CPNE7: variants seen among roughly 807,000 people sequenced by gnomAD.
The protein encoded by CPNE7 is copine-7.
A neutral mutation model predicts 66.5 loss-of-function variants in CPNE7; 78 were observed. The ratio of observed to expected loss-of-function variants is 1.17; its 90% CI spans 0.98 to 1.42. The LOEUF (loss-of-function observed/expected upper bound fraction) is 1.42, where lower values mean the gene tolerates loss of function less well. Ranked by LOEUF, CPNE7 falls within the 40% of genes most tolerant of loss-of-function variation. The pLI, the probability that CPNE7 is intolerant of heterozygous loss-of-function variation, is 0.00. For missense variants in CPNE7, 1,012 were observed against 776.6 expected (o/e 1.30, Z -3.60); for synonymous variants, 468 against 336.7 (o/e 1.39, Z -4.27).
intron 2 of CPNE7, 24 bp from the exon 3 acceptor site, chr16:89,583,673 C>A: frequency 6.2e-7 from 1 of 1,612,596 alleles, no homozygotes; most frequent in South Asian, 1.1e-5. Context: ...CTGCCCCTCC[C>A]TGCCTGACGC....
At chr16:89,578,914 C>T (rs765246853) in intron 2 of CPNE7, 20 of 1,613,760 alleles carry the variant, frequency 1.2e-5, no homozygotes, top group Non-Finnish European at 1.7e-5. Context: ...TGTGCTGGGC[C>T]CTGCTGGACA....
In CPNE7 at chr16:89,584,080, G is replaced by C. The variant is rs567272288; in HGVS notation, c.485G>C (p.Arg162Pro). ...GNNGYVELSF[R>P]ARKLDDKDLF... ...AACGGCTACGTGGAGCTCTCCTTCC[G>C]GGCCAGGAAGCTGGACGACAAGGTG... Residue 162 changes from arginine (R) to proline (P), a missense_variant, in exon 4 of 15, where the codon CGG becomes CCG. Coordinates refer to ENST00000319518, the MANE Select transcript of CPNE7 (RefSeq NM_153636.3). The surrounding 1 kb of genome is among the most constrained non-coding windows in gnomAD (Gnocchi z 6.0). The C allele has an allele frequency of 1.2e-6, 2 of 1,611,760 alleles. No individual in the cohort carries two copies. Among genetic ancestry groups the C allele is most frequent in the Non-Finnish European group, 1.7e-6 (2 of 1,179,422 alleles).
intron 3 of CPNE7, 112 bp downstream of exon 3, chr16:89,583,883 C>A: frequency 6.9e-7 from 1 of 1,446,008 alleles, no homozygotes; most frequent in Non-Finnish European, 9.5e-7. Flanking sequence ...TCTGCAGGAG[C>A]CGGCAGCTAC....
rs189619199 is a variant in CPNE7 at position 89,596,082 on chromosome 16, C to G, written c.1540-402C>G. ...TGCCACATAGATGTGAAGTTCTACA[C>G]AGCAAGACACCACAGACATGCATGA... is the stretch of plus-strand genomic sequence containing the variant. On this transcript the variant is annotated intron_variant, in intron 14 of 14. Coordinates refer to ENST00000319518, the MANE Select transcript of CPNE7 (RefSeq NM_153636.3). Among the ~76,000 whole-genome samples, 600 of 152,380 alleles carry G rather than the reference C, an allele frequency of 3.9e-3. 16 individuals are homozygous for G. Among genetic ancestry groups the G allele is most frequent in the Admixed American group, 0.027 (421 of 15,310 alleles).
In CPNE7 at chr16:89,580,080, C is replaced by G. The variant is rs1297480299; in HGVS notation, c.357+2359C>G. On this transcript the variant is annotated intron_variant, in intron 2 of 14. Transcript: ENST00000319518. ...GTCACACGGAACATCCCATCACCTG[C>G]AGACACGGAACATCTCACCCATCAC... Among the ~76,000 whole-genome samples the G allele has an allele frequency of 5.3e-5, 3 of 56,954 alleles. No homozygotes were observed. The East Asian group carries it at 1.1e-3, about 20-fold the overall frequency. 37.4% of individuals were successfully genotyped at this position (56,954 alleles called of 152,430 possible).
chr16:89,591,198 G>GC lies in CPNE7; in HGVS notation c.1241dup (p.Pro415AlafsTer82). On this transcript the variant is annotated frameshift_variant, in exon 13 of 15. Coordinates refer to ENST00000319518, the MANE Select transcript of CPNE7 (RefSeq NM_153636.3). LOFTEE classifies it high-confidence loss of function. ...CCAGCTCTACGGCCCCACCAACGTG[G>GC]CGCCCATCATCTCCAAGGTGGCACG... 1 of 1,598,168 alleles carries GC rather than the reference G, an allele frequency of 6.3e-7. No homozygotes were observed. Among genetic ancestry groups the GC allele is most frequent in the Non-Finnish European group, 8.5e-7 (1 of 1,172,604 alleles).
intron 13 of CPNE7, among the ~76,000 whole-genome samples, chr16:89,595,019 G>A (rs1021413961): frequency 6.6e-6 from 1 of 152,086 alleles, no homozygotes; most frequent in Non-Finnish European, 1.5e-5. Flanking sequence ...TGGGCTGCAG[G>A]TCTGGCTCCT....
At chr16:89,586,838 A>T in intron 8 of CPNE7, 82 bp downstream of exon 8, 1 of 1,336,268 alleles carries the variant, frequency 7.5e-7, no homozygotes, top group Non-Finnish European at 1.1e-6. Context: ...ATGGACCCTC[A>T]ACCAGAGGCC....
At position 89,578,930 on chromosome 16, in the gene CPNE7, C is replaced by G; in HGVS notation, c.357+1209C>G. The stretch of plus-strand genomic sequence containing the variant: ...GTGCTGGGCCCTGCTGGACACTGCG[C>G]TAAGCACTTCCTGTGCTGCACGGAA... On this transcript the variant is annotated intron_variant, in intron 2 of 14. Transcript: ENST00000319518. 6 of 1,613,772 alleles carry G rather than the reference C, an allele frequency of 3.7e-6. No homozygotes were observed. The highest frequency in any genetic ancestry group is 5.1e-6 in the Non-Finnish European group (6 of 1,179,822).
At chr16:89,577,425 G>T in intron 1 of CPNE7, 114 bp from the exon 2 acceptor site, 3 of 1,080,054 alleles carry the variant, frequency 2.8e-6, no homozygotes, top group Non-Finnish European at 4.0e-6. Flanking sequence ...GTCTTCCCAG[G>T]GTATGAGTCC....
At chr16:89,578,095 C>T (rs1386279773) in intron 2 of CPNE7, among the ~76,000 whole-genome samples, 4 of 141,056 alleles carry the variant, frequency 2.8e-5, no homozygotes, top group Non-Finnish European at 6.0e-5. Flanking sequence ...GATGTAGTCT[C>T]GCTCTGTCAC....
rs960751299 is a variant in CPNE7 at position 89,587,640 on chromosome 16, A to C, written c.927+538A>C. The C allele has an allele frequency of 2.9e-4, 129 of 448,088 alleles. 1 individual carries two copies. Among genetic ancestry groups the C allele is most frequent in the African/African-American group, 2.0e-3 (98 of 49,764 alleles). 27.8% of individuals were successfully genotyped at this position (448,088 alleles called of 1,614,324 possible). On this transcript the variant is annotated intron_variant, in intron 9 of 14. Transcript: ENST00000319518. ...ACGTGTCATCCAAGGAGCCCGGCAC[A>C]GACCCCGTGTCACCCCCATGTCACC...
intron 1 of CPNE7, among the ~76,000 whole-genome samples, chr16:89,576,793 C>T (rs924037795): frequency 2.0e-5 from 3 of 152,180 alleles, no homozygotes; most frequent in African/African-American, 4.8e-5. Flanking sequence ...GGCGGCTGCT[C>T]GGGCGGTGGA....
In CPNE7 at chr16:89,591,051, G is replaced by T; in HGVS notation, c.1161G>T (p.Glu387Asp). ...FAINFNPEDD[E>D]CEGIQGVVEA... is the part of the protein sequence containing the mutation. ...TCAATTTCAACCCTGAGGACGATGAGTGTGAAGGTAGGAGCTCGAGGCAGG... is the reference window on the plus strand; with the variant it reads ...TCAATTTCAACCCTGAGGACGATGATTGTGAAGGTAGGAGCTCGAGGCAGG... Residue 387 changes from glutamate to aspartate, a missense_variant, in exon 12 of 15, where the codon GAG becomes GAT. Coordinates refer to ENST00000319518, the MANE Select transcript of CPNE7 (RefSeq NM_153636.3). 1 of 1,613,774 alleles carries T rather than the reference G, an allele frequency of 6.2e-7. No individual in the cohort carries two copies. The highest frequency in any genetic ancestry group is 1.3e-5 in the African/African-American group (1 of 74,998).
At chr16:89,588,179 C>T (rs1181153741) in intron 9 of CPNE7, among the ~76,000 whole-genome samples, 18 of 130,858 alleles carry the variant, frequency 1.4e-4, no homozygotes, top group Non-Finnish European at 2.4e-4. Flanking sequence ...GCGTGTCACC[C>T]ACAGATACAC....
intron 13 of CPNE7, among the ~76,000 whole-genome samples, chr16:89,594,847 T>C (rs2059228721): frequency 6.6e-6 from 1 of 151,896 alleles, no homozygotes; most frequent in African/African-American, 2.4e-5. Context: ...AGATGGGGTT[T>C]CACCATTTTG....
At position 89,584,250 on chromosome 16, in the gene CPNE7, A is replaced by T; in HGVS notation, c.507+148A>T. On this transcript the variant is annotated intron_variant, in intron 4 of 14. Transcript: ENST00000319518. This position sits in a 1 kb window ranked among gnomAD's most constrained non-coding sequence, Gnocchi z 6.0. Reference sequence around the variant, plus strand: ...GCCTGGGGCTGGGCGTGCTGCCGTCACGGTCGCCATCATCACTGTCACCGC... The same window carrying T: ...GCCTGGGGCTGGGCGTGCTGCCGTCTCGGTCGCCATCATCACTGTCACCGC... 1 of 783,868 alleles carries T rather than the reference A, an allele frequency of 1.3e-6. No homozygotes were observed. Among genetic ancestry groups the T allele is most frequent in the South Asian group, 1.8e-5 (1 of 54,290 alleles). 48.6% of individuals were successfully genotyped at this position (783,868 alleles called of 1,614,324 possible).
intron 2 of CPNE7, among the ~76,000 whole-genome samples, chr16:89,578,210 A>G (rs1387864605): frequency 2.0e-5 from 3 of 150,538 alleles, no homozygotes; most frequent in Non-Finnish European, 3.0e-5. Flanking sequence ...GATTACAGGC[A>G]CCCGCCACCA....
At position 89,587,125 on chromosome 16, in the gene CPNE7, T is replaced by G. The variant is rs191615049; in HGVS notation, c.927+23T>G. The G allele has an allele frequency of 2.4e-3, 2,782 of 1,149,944 alleles. 81 individuals are homozygous for G. In the African/African-American group the frequency reaches 0.059, roughly 24 times the overall value. The allele number at this position is 1,149,944 out of a possible 1,614,324, so 71.2% of individuals were successfully genotyped here. A position where few individuals can be genotyped will look rare whatever the true frequency, so the allele number is the denominator to read the frequency against. ...ACCGTGAGTCCATGGCCCCGCCCCA[T>G]GCCGCCCCCTCAGTCCGTGGCCCCG... On this transcript the variant is annotated intron_variant, in intron 9 of 14. Transcript: ENST00000319518.
Sources: gnomAD v4.1 joint callset for allele counts (sites outside exome capture counted in the v4.1 genomes callset) on GRCh38, gnomAD v4.1.1 for gene constraint, Gnocchi (gnomAD v3.1) non-coding constraint, MANE v1.5 for transcripts, NCBI Gene and HGNC (gene_info 2026-07-23, HGNC 2026-07-21) for gene names.